Variants in RTN1 observed in about 807,000 individuals in gnomAD.
The protein encoded by RTN1 is reticulon 1.
RTN1 carries 25 observed loss-of-function variants against 65.5 expected under a neutral mutation model. That is an observed-to-expected ratio of 0.38 (90% confidence interval 0.28 to 0.53). The LOEUF is 0.53. RTN1 is among the 20% of genes least tolerant of loss of function. The pLI is 0.79. For missense variants in RTN1, 983 were observed against 1,025.4 expected, an observed-to-expected ratio of 0.96 and a Z score of 0.57; for synonymous variants, 471 against 447.6, an observed-to-expected ratio of 1.05 and a Z score of -0.66.
Position 59,749,298 on chromosome 14 carries a change from CTA to C in RTN1, c.242-2819_242-2818del, listed in dbSNP as rs1166192234. Among the ~76,000 whole-genome samples the C allele has an allele frequency of 4.5e-4, 12 of 26,680 alleles. 1 individual carries two copies. The highest frequency in any genetic ancestry group is 2.8e-3 in the East Asian group (2 of 706). The allele number at this position is 26,680 out of a possible 152,430, so 17.5% of individuals were successfully genotyped here. A position where few individuals can be genotyped will look rare whatever the true frequency, so the allele number is the denominator to read the frequency against. ...TATATCTATATATATCTATATATAT[CTA>C]TATATATCTATATATATATCTATAT... On this transcript the variant is annotated intron_variant, in intron 1 of 8. Coordinates refer to ENST00000267484, the MANE Select transcript of RTN1 (RefSeq NM_021136.3).
At chr14:59,655,472 T>A (rs546632183) in intron 3 of RTN1, among the ~76,000 whole-genome samples, 2 of 152,216 alleles carry the variant, frequency 1.3e-5, no homozygotes, top group Non-Finnish European at 2.9e-5. Flanking sequence ...GACAACGGGA[T>A]CCTAAAATTC....
rs200350703 is a variant in RTN1 at position 59,835,247 on chromosome 14, C to CA, written c.241+35142dup. On this transcript the variant is annotated intron_variant, in intron 1 of 8. Transcript: ENST00000267484. ...ATTATGTGGAGTGAAAGAAGCTAGA[C>CA]AAAAAAAAAATAGCATATATGGTAT... Among the ~76,000 whole-genome samples the CA allele has an allele frequency of 3.6e-3, 505 of 140,152 alleles. 4 individuals carry two copies. The highest frequency in any genetic ancestry group is 0.01 in the East Asian group (50 of 4,822). The allele number at this position is 140,152 out of a possible 152,430, so 91.9% of individuals were successfully genotyped here.
intron 1 of RTN1, among the ~76,000 whole-genome samples, chr14:59,749,803 A>G (rs1490496685): frequency 8.7e-6 from 1 of 115,168 alleles, no homozygotes; most frequent in Non-Finnish European, 1.6e-5. Flanking sequence ...GTATATTTAT[A>G]TATATCTATA....
intron 3 of RTN1, among the ~76,000 whole-genome samples, chr14:59,691,018 C>T (rs1952034): frequency 0.35 from 53,644 of 151,880 alleles, 11,313 homozygotes; most frequent in Non-Finnish European, 0.46. Flanking sequence ...AATATCCCAC[C>T]TACAGGAACC....
chr14:59,870,593 G>A lies in RTN1; in HGVS notation c.38C>T (p.Pro13Leu), dbSNP rs1371842654. The A allele has an allele frequency of 4.5e-5, 65 of 1,444,228 alleles. No individual in the cohort carries two copies. The East Asian group carries it at 1.8e-3, about 41-fold the overall frequency. 89.5% of individuals were successfully genotyped at this position (1,444,228 alleles called of 1,614,324 possible). A position where few individuals can be genotyped will look rare whatever the true frequency, so the allele number is the denominator to read the frequency against. Reference protein sequence around the residue: ...APGDPQDELLPLAGPGSQWLR... With the variant: ...APGDPQDELLLLAGPGSQWLR... ...CCACTGGGACCCGGGGCCGGCCAGC[G>A]GCAGCAGCTCGTCCTGCGGATCCCC... Residue 13 changes from proline (P) to leucine (L), a missense_variant, in exon 1 of 9, where the codon CCG becomes CTG. Around this residue, in one of 2 missense-constraint regions of RTN1, gnomAD observed 818 missense variants for 801.8 expected, o/e 1.02. Transcript: ENST00000267484. This position sits in a 1 kb window ranked among gnomAD's most constrained non-coding sequence, Gnocchi z 5.1.
chr14:59,600,513 G>T (rs556592619), intron 8 of RTN1, among the ~76,000 whole-genome samples: 1 of 152,154 alleles, frequency 6.6e-6, no homozygotes, highest in African/African-American at 2.4e-5. Flanking sequence ...TACCACTAAA[G>T]TGGTGTAAGT....
intron 1 of RTN1, among the ~76,000 whole-genome samples, chr14:59,754,880 G>T (rs1885604148): frequency 6.6e-6 from 1 of 152,086 alleles, no homozygotes; most frequent in African/African-American, 2.4e-5. Context: ...CCAAGGCCAT[G>T]CTGTCTTCAC....
Position 59,829,598 on chromosome 14 carries a change from G to A in RTN1, c.241+40792C>T, listed in dbSNP as rs151084864. On this transcript the variant is annotated intron_variant, in intron 1 of 8. Coordinates refer to ENST00000267484, the MANE Select transcript of RTN1 (RefSeq NM_021136.3). The surrounding 1 kb of genome is among the most constrained non-coding windows in gnomAD (Gnocchi z 4.3). ...GCAGACAGCTAGACATAGGTGGAGG[G>A]CAGGGCACCAAACAACATTTCATTT... Among the ~76,000 whole-genome samples the A allele has an allele frequency of 6.0e-3, 917 of 152,280 alleles. 9 individuals are homozygous for A. Among genetic ancestry groups the A allele is most frequent in the African/African-American group, 0.02 (848 of 41,562 alleles).
chr14:59,774,485 T>A lies in RTN1; in HGVS notation c.242-28004A>T, dbSNP rs1485506650. On this transcript the variant is annotated intron_variant, in intron 1 of 8. Transcript: ENST00000267484. This position sits in a 1 kb window ranked among gnomAD's most constrained non-coding sequence, Gnocchi z 5.1. ...AGAGCTGAAGTAATTAGGCAAATAA[T>A]GCAGGCCAAAAATATGTCTGAAAGC... 6.6e-6 allele frequency among the ~76,000 whole-genome samples: 1 copy of A among 152,144 alleles called. No individual in the cohort carries two copies. Among genetic ancestry groups the A allele is most frequent in the Non-Finnish European group, 1.5e-5 (1 of 68,020 alleles).
rs148702048 is a variant in RTN1, at chr14:59,713,097, A to T, written c.1765+13822T>A. On this transcript the variant is annotated intron_variant, in intron 3 of 8. Transcript: ENST00000267484. ...AGGTACTATTATCTCCTTTGAACAG[A>T]CAAAAAAATCGAAATGCAGACAGGT... Among the ~76,000 whole-genome samples, 209 of 152,318 alleles carry T rather than the reference A, an allele frequency of 1.4e-3. 1 individual carries two copies. Among genetic ancestry groups the T allele is most frequent in the African/African-American group, 4.6e-3 (190 of 41,564 alleles).
chr14:59,663,739 C>T (rs546739155), intron 3 of RTN1, among the ~76,000 whole-genome samples: 28 of 152,274 alleles, frequency 1.8e-4, no homozygotes, highest in African/African-American at 4.3e-4. Context: ...CTCAGCATCA[C>T]TGGTCATTAG....
At chr14:59,737,253 T>A (rs536082968) in intron 2 of RTN1, among the ~76,000 whole-genome samples, 30 of 152,186 alleles carry the variant, frequency 2.0e-4, no homozygotes, top group African/African-American at 6.8e-4. Context: ...CATGATCCTA[T>A]ATCTAGAAAA....
intron 3 of RTN1, among the ~76,000 whole-genome samples, chr14:59,686,324 G>T (rs1004875529): frequency 1.3e-5 from 2 of 152,116 alleles, no homozygotes; most frequent in Admixed American, 1.3e-4. Context: ...AAAATGAAAT[G>T]ATATCGAATT....
intron 1 of RTN1, among the ~76,000 whole-genome samples, chr14:59,769,245 T>C (rs527370374): frequency 6.6e-6 from 1 of 152,344 alleles, no homozygotes. Flanking sequence ...CATGTTATTC[T>C]GCATTGCAAT....
At chr14:59,619,541 G>A (rs1185184097) in intron 3 of RTN1, among the ~76,000 whole-genome samples, 8 of 152,102 alleles carry the variant, frequency 5.3e-5, no homozygotes. Flanking sequence ...GAAGTGCAGG[G>A]CTAAAATTTA....
chr14:59,773,668 A>C (rs1214178440), intron 1 of RTN1, among the ~76,000 whole-genome samples: 2 of 152,132 alleles, frequency 1.3e-5, no homozygotes, highest in African/African-American at 4.8e-5. Context: ...ATAACTCTAT[A>C]TCTGAGATTT....
chr14:59,744,013 C>T (rs184840024), intron 2 of RTN1, among the ~76,000 whole-genome samples: 140 of 152,258 alleles, frequency 9.2e-4, no homozygotes, highest in African/African-American at 3.0e-3. Context: ...AATCAGGGAC[C>T]TGGCGCAGTG....
At chr14:59,862,534 C>T (rs1408942094) in intron 1 of RTN1, among the ~76,000 whole-genome samples, 2 of 152,176 alleles carry the variant, frequency 1.3e-5, no homozygotes, top group African/African-American at 4.8e-5. Context: ...ACTCTAGCAA[C>T]CCTGCCAGCA....
At chr14:59,821,025 G>T (rs1886934961) in intron 1 of RTN1, among the ~76,000 whole-genome samples, 1 of 151,840 alleles carries the variant, frequency 6.6e-6, no homozygotes, top group African/African-American at 2.4e-5. Flanking sequence ...TTTCAGAACA[G>T]TTTTTTTTCT....
Sources: allele counts gnomAD v4.1 joint callset (sites outside exome capture counted in the v4.1 genomes callset), GRCh38; gene constraint gnomAD v4.1.1; regional missense constraint gnomAD v4.1.1; non-coding constraint Gnocchi (gnomAD v3.1); transcripts MANE v1.5; gene names NCBI Gene and HGNC (gene_info 2026-07-23, HGNC 2026-07-21).